The following MGAM2 variants were observed in gnomAD, a reference collection of about 807,000 sequenced individuals.
The protein encoded by MGAM2 is probable maltase-glucoamylase 2.
A neutral mutation model predicts 96.1 loss-of-function variants in MGAM2; 98 were observed. The ratio of observed to expected loss-of-function variants is 1.02; its 90% CI spans 0.87 to 1.21. The LOEUF (loss-of-function observed/expected upper bound fraction) is 1.21. Among genes scored for constraint, MGAM2 ranks in the 50% most tolerant of loss-of-function variants. The pLI is 0.00. For synonymous variants in MGAM2, 749 were observed against 414.8 expected, an observed-to-expected ratio of 1.81 and a Z score of -9.79; for missense variants, 2,055 against 1,182.4, an observed-to-expected ratio of 1.74 and a Z score of -10.82.
chr7:142,120,651 C>T (rs768536245), intron 3 of MGAM2, among the ~76,000 whole-genome samples: 14 of 152,034 alleles, frequency 9.2e-5, no homozygotes, highest in Non-Finnish European at 1.9e-4. Flanking sequence ...ACTAAATGTA[C>T]CTTAGGTGTG....
rs57069394 is a variant in MGAM2 at position 142,121,406 on chromosome 7, A to G, written c.186+1025A>G. Among the ~76,000 whole-genome samples, 253 of 152,114 alleles carry G rather than the reference A, an allele frequency of 1.7e-3. 4 individuals are homozygous for G. The South Asian group carries it at 0.033, about 20-fold the overall frequency. On this transcript the variant is annotated intron_variant, in intron 3 of 47. Transcript: ENST00000477922. ...TTGGCCAGGAGGCCTCAAACTCCTG[A>G]CCCCAGGTGATCCACCTGCCTCAGC...
intron 15 of MGAM2, among the ~76,000 whole-genome samples, chr7:142,153,246 C>T (rs144820057): frequency 0.011 from 1,604 of 152,268 alleles, 36 homozygotes; most frequent in African/African-American, 0.037. Flanking sequence ...GTGATCCACC[C>T]GCCTCAGCCT....
intron 26 of MGAM2, 25 bp downstream of exon 26, chr7:142,167,511 G>A (rs1563271675): frequency 2.8e-6 from 2 of 702,814 alleles, no homozygotes; most frequent in Non-Finnish European, 5.2e-6. Context: ...GCAGATTCTG[G>A]TTCTCAAGAT....
chr7:142,206,403 T>A (rs796884650), intron 45 of MGAM2, among the ~76,000 whole-genome samples: 11 of 152,246 alleles, frequency 7.2e-5, no homozygotes, highest in African/African-American at 2.6e-4. Flanking sequence ...AAAGTTATCT[T>A]CAAGATAACT....
Position 142,187,801 on chromosome 7 carries a change from A to G in MGAM2, c.4174A>G (p.Asn1392Asp), listed in dbSNP as rs193127336. 29 of 702,838 alleles carry G rather than the reference A, an allele frequency of 4.1e-5. No individual in the cohort carries two copies. Among genetic ancestry groups the G allele is most frequent in the Admixed American group, 3.2e-4 (16 of 50,018 alleles). 43.5% of individuals were successfully genotyped at this position (702,838 alleles called of 1,614,324 possible). A position where few individuals can be genotyped will look rare whatever the true frequency, so the allele number is the denominator to read the frequency against. Residue 1392 changes from asparagine to aspartate, a missense_variant, in exon 36 of 48, where the codon AAT becomes GAT. Coordinates refer to ENST00000477922, the MANE Select transcript of MGAM2 (RefSeq NM_001293626.2). The stretch of plus-strand genomic sequence containing the variant: ...GGATGGATCTGTCAGGGGCTGCAGC[A>G]ATGAAATGCTAAATAACCCACCCTA... Reference protein sequence around the residue: ...FVDGSVRGCSNEMLNNPPYMP... With the variant: ...FVDGSVRGCSDEMLNNPPYMP...
At chr7:142,155,235 C>T (rs1482728606) in intron 17 of MGAM2, among the ~76,000 whole-genome samples, 1 of 152,176 alleles carries the variant, frequency 6.6e-6, no homozygotes, top group East Asian at 1.9e-4. Context: ...AGGCTTAGGC[C>T]AGTGATCTCA....
At chr7:142,195,345 C>CT (rs1013124747) in intron 37 of MGAM2, among the ~76,000 whole-genome samples, 2,222 of 69,984 alleles carry the variant, frequency 0.032, 340 homozygotes, top group African/African-American at 0.049. Context: ...CCTTTTTACT[C>CT]TTTTTTTTTT....
rs1006071711 is a variant in MGAM2 at position 142,141,043 on chromosome 7, C to G, written c.1241C>G (p.Ser414Cys). Reference protein sequence around the residue: ...IIMNPGISKNSNYEPYNNGSL... With the variant: ...IIMNPGISKNCNYEPYNNGSL... ...TAGAATCCTGGCATCTCCAAAAACTCTAACTACGAGCCCTATAATAATGGA... is the reference window on the plus strand; with the variant it reads ...TAGAATCCTGGCATCTCCAAAAACTGTAACTACGAGCCCTATAATAATGGA... The change falls in exon 12 of 48, where the codon TCT becomes TGT. Residue 414 changes from serine to cysteine, a missense_variant. Transcript: ENST00000477922. The G allele has an allele frequency of 4.3e-6, 3 of 700,046 alleles. No individual in the cohort carries two copies. Among genetic ancestry groups the G allele is most frequent in the Admixed American group, 4.0e-5 (2 of 49,758 alleles). 43.4% of individuals were successfully genotyped at this position (700,046 alleles called of 1,614,324 possible). A position where few individuals can be genotyped will look rare whatever the true frequency, so the allele number is the denominator to read the frequency against.
At chr7:142,187,374 A>G (rs1796731812) in intron 35 of MGAM2, among the ~76,000 whole-genome samples, 2 of 152,240 alleles carry the variant, frequency 1.3e-5, no homozygotes, top group Non-Finnish European at 2.9e-5. Context: ...GTAAAACAAG[A>G]TGGGCTACCT....
At chr7:142,153,396 G>T (rs1011277970) in intron 15 of MGAM2, among the ~76,000 whole-genome samples, 1 of 152,182 alleles carries the variant, frequency 6.6e-6, no homozygotes, top group African/African-American at 2.4e-5. Flanking sequence ...TAACTTTATA[G>T]AAAGTATCAG....
At chr7:142,167,797 T>C (rs1796073084) in intron 26 of MGAM2, among the ~76,000 whole-genome samples, 1 of 152,072 alleles carries the variant, frequency 6.6e-6, no homozygotes, top group African/African-American at 2.4e-5. Context: ...GTCTCAAATG[T>C]CTAACCTCAA....
At position 142,145,558 on chromosome 7, in the gene MGAM2, T is replaced by A. The variant is rs543380998; in HGVS notation, c.1516+613T>A. ...TATGTGTGGAGGTGGCGGGTGGCAG[T>A]GGCAGTATAGAATACACTATGCTCT... is the stretch of plus-strand genomic sequence containing the variant. On this transcript the variant is annotated intron_variant, in intron 14 of 47. Coordinates refer to ENST00000477922, the MANE Select transcript of MGAM2 (RefSeq NM_001293626.2). Among the ~76,000 whole-genome samples the A allele has an allele frequency of 2.6e-5, 4 of 152,288 alleles. No individual in the cohort carries two copies. In the South Asian group the frequency reaches 8.3e-4, roughly 32 times the overall value.
chr7:142,181,586 C>T (rs1443861333), intron 32 of MGAM2, among the ~76,000 whole-genome samples: 1 of 152,198 alleles, frequency 6.6e-6, no homozygotes, highest in African/African-American at 2.4e-5. Context: ...GATATCATGC[C>T]TATGTTTCCT....
chr7:142,162,642 C>T (rs1795923022), intron 23 of MGAM2, among the ~76,000 whole-genome samples: 1 of 151,034 alleles, frequency 6.6e-6, no homozygotes, highest in Admixed American at 6.6e-5. Flanking sequence ...TGTACCTATA[C>T]ATATAAAAAT....
At chr7:142,118,096 G>T (rs1292049342) in intron 2 of MGAM2, among the ~76,000 whole-genome samples, 6 of 152,008 alleles carry the variant, frequency 3.9e-5, no homozygotes, top group Non-Finnish European at 2.9e-5. Flanking sequence ...AAACAATGTT[G>T]TACATCAGAT....
At chr7:142,165,142 C>T (rs984629723) in intron 24 of MGAM2, 119 bp downstream of exon 24, 3 of 531,730 alleles carry the variant, frequency 5.6e-6, no homozygotes, top group African/African-American at 3.9e-5. Flanking sequence ...GGAGGTCCAA[C>T]ACATCACAGA....
intron 34 of MGAM2, 92 bp from the exon 35 acceptor site, chr7:142,185,897 T>C: frequency 1.6e-6 from 1 of 634,274 alleles, no homozygotes; most frequent in Non-Finnish European, 2.9e-6. Flanking sequence ...CAGAGACTGA[T>C]CTGGGCAGGC....
intron 27 of MGAM2, 100 bp from the exon 28 acceptor site, chr7:142,171,172 T>C (rs1796172749): frequency 1.4e-6 from 1 of 696,210 alleles, no homozygotes; most frequent in Admixed American, 2.0e-5. Context: ...AAATGTGCAA[T>C]AATTAAGGAG....
chr7:142,154,579 T>C, intron 16 of MGAM2, 150 bp from the exon 17 acceptor site: 2 of 591,862 alleles, frequency 3.4e-6, no homozygotes, highest in Non-Finnish European at 6.0e-6. Context: ...TTTCTCTCCT[T>C]TGGCTGGGAG....
Sources: gnomAD v4.1 joint callset for allele counts (sites outside exome capture counted in the v4.1 genomes callset) on GRCh38, gnomAD v4.1.1 for gene constraint, MANE v1.5 for transcripts, NCBI Gene and HGNC (gene_info 2026-07-23, HGNC 2026-07-21) for gene names.